Variants in HOXD3 observed in about 807,000 individuals in gnomAD.
HOXD3 encodes homeobox protein Hox-D3.
A neutral mutation model predicts 32.8 loss-of-function variants in HOXD3; 13 were observed. The ratio of observed to expected loss-of-function variants is 0.40; its 90% CI spans 0.26 to 0.63. The LOEUF (loss-of-function observed/expected upper bound fraction) is 0.63. Among genes scored for constraint, HOXD3 ranks in the 20% least tolerant of loss-of-function variants. The probability of loss-of-function intolerance (pLI) is 0.44; values close to 1 mark genes in which losing one functional copy is unlikely to be tolerated. For missense variants in HOXD3, 504 were observed against 577.1 expected, an observed-to-expected ratio of 0.87 and a Z score of 1.30; for synonymous variants, 241 against 246.8, an observed-to-expected ratio of 0.98 and a Z score of 0.22.
chr2:176,169,500 C>T lies in HOXD3; in HGVS notation c.386C>T (p.Ser129Phe), dbSNP rs1051932. ...CCTCCACCACCGACCCTGCCCCCATCTTCACCCACCAATCCTGGAGGTGGA... is the reference window on the plus strand; with the variant it reads ...CCTCCACCACCGACCCTGCCCCCATTTTCACCCACCAATCCTGGAGGTGGA... ...PPPPPPTLPP[S>F]SPTNPGGGVP... The change falls in exon 3 of 4, where the codon TCT becomes TTT. Residue 129 changes from serine (S) to phenylalanine (F), a missense_variant. Ser to Phe is a radical substitution (Grantham distance 155). Coordinates refer to ENST00000683222, the MANE Select transcript of HOXD3 (RefSeq NM_006898.5). The T allele has an allele frequency of 1.2e-6, 2 of 1,614,002 alleles. No homozygotes were observed. Among genetic ancestry groups the T allele is most frequent in the African/African-American group, 2.7e-5 (2 of 74,926 alleles).
chr2:176,158,260 G>C (rs1350023688), intron 1 of HOXD3, among the ~76,000 whole-genome samples: 1 of 152,240 alleles, frequency 6.6e-6, no homozygotes, highest in South Asian at 2.1e-4. Flanking sequence ...CTGGGGAAAG[G>C]AGGATGGGGG....
intron 1 of HOXD3, among the ~76,000 whole-genome samples, chr2:176,160,205 G>A (rs990939166): frequency 2.6e-5 from 4 of 152,196 alleles, no homozygotes; most frequent in Non-Finnish European, 5.9e-5. Flanking sequence ...GGTGCATGAG[G>A]CTGCGGAGTA....
intron 2 of HOXD3, among the ~76,000 whole-genome samples, chr2:176,167,702 T>A (rs1342011456): frequency 2.0e-5 from 3 of 150,156 alleles, no homozygotes; most frequent in Non-Finnish European, 4.4e-5. Flanking sequence ...TTTTTTTTTT[T>A]TTTTTTTTTT....
In HOXD3 at chr2:176,172,711, CTG is replaced by C. The variant is rs1691238441; in HGVS notation, c.*439_*440del. 1 of 171,446 alleles carries C rather than the reference CTG, an allele frequency of 5.8e-6. No individual in the cohort carries two copies. Among genetic ancestry groups the C allele is most frequent in the African/African-American group, 2.4e-5 (1 of 42,168 alleles). 10.6% of individuals were successfully genotyped at this position (171,446 alleles called of 1,614,324 possible). A position where few individuals can be genotyped will look rare whatever the true frequency, so the allele number is the denominator to read the frequency against. On this transcript the variant is annotated 3_prime_UTR_variant, in exon 4 of 4. Transcript: ENST00000683222. ...TAAGGATTGCATCGGACTAAACTATCTGTATTTATTATTTGAAGCGAGTCATT... is the reference window on the plus strand; with the variant it reads ...TAAGGATTGCATCGGACTAAACTATCTATTTATTATTTGAAGCGAGTCATT...
At chr2:176,168,656 C>T (rs1471001907) in intron 2 of HOXD3, among the ~76,000 whole-genome samples, 1 of 151,964 alleles carries the variant, frequency 6.6e-6, no homozygotes, top group East Asian at 1.9e-4. Flanking sequence ...CTGAAATACT[C>T]TGAAATAGCT....
upstream of HOXD3, chr2:176,153,139 G>A (rs1690580223): frequency 1.9e-6 from 1 of 516,772 alleles, no homozygotes; most frequent in Non-Finnish European, 3.6e-6. Context: ...GATGGGAGGG[G>A]GGGCGGGATT....
At chr2:176,170,921 T>C (rs1200613491) in intron 3 of HOXD3, among the ~76,000 whole-genome samples, 1 of 147,260 alleles carries the variant, frequency 6.8e-6, no homozygotes, top group African/African-American at 2.4e-5. Flanking sequence ...GTTTGTTTGG[T>C]TGGTTTTTTT....
Position 176,161,469 on chromosome 2 carries a change from TTACAC to T in HOXD3, c.-180-2602_-180-2598del, listed in dbSNP as rs373868904. Among the ~76,000 whole-genome samples, 12 of 152,280 alleles carry T rather than the reference TTACAC, an allele frequency of 7.9e-5. No homozygotes were observed. In the South Asian group the frequency reaches 1.2e-3, roughly 16 times the overall value. On this transcript the variant is annotated intron_variant, in intron 1 of 3. Coordinates refer to ENST00000683222, the MANE Select transcript of HOXD3 (RefSeq NM_006898.5). The stretch of plus-strand genomic sequence containing the variant: ...GGCTGAAAAAGAAATTAAAACTTTT[TTACAC>T]TTTACTGCCAAAGTAAGATGGAGCG...
chr2:176,169,429 C>G lies in HOXD3; in HGVS notation c.315C>G (p.Ser105Arg). The part of the protein sequence containing the change: ...TGNSQGGGGG[S>R]QPPGLNSEQQ... The stretch of plus-strand genomic sequence containing the variant: ...ACAGCCAGGGTGGGGGTGGTGGCAG[C>G]CAGCCTCCTGGTCTGAACTCAGAGC... Residue 105 changes from serine to arginine, a missense_variant, in exon 3 of 4, where the codon AGC becomes AGG. By Grantham distance (110) the Ser-to-Arg change is moderately radical. Coordinates refer to ENST00000683222, the MANE Select transcript of HOXD3 (RefSeq NM_006898.5). The G allele has an allele frequency of 6.2e-7, 1 of 1,613,434 alleles. No individual in the cohort carries two copies. Among genetic ancestry groups the G allele is most frequent in the Non-Finnish European group, 8.5e-7 (1 of 1,179,712 alleles).
chr2:176,155,520 T>A (rs1454572436), upstream of HOXD3, among the ~76,000 whole-genome samples: 1 of 152,150 alleles, frequency 6.6e-6, no homozygotes, highest in Non-Finnish European at 1.5e-5. Flanking sequence ...TCTTTTGAAA[T>A]GTTAATGGAG....
chr2:176,163,580 G>A (rs115733219), intron 1 of HOXD3, among the ~76,000 whole-genome samples: 47 of 152,192 alleles, frequency 3.1e-4, no homozygotes, highest in African/African-American at 1.1e-3. Context: ...TCTTCACTGA[G>A]GCTCTGTAGA....
chr2:176,156,446 C>G (rs1259447758), upstream of HOXD3, among the ~76,000 whole-genome samples: 6 of 152,166 alleles, frequency 3.9e-5, no homozygotes, highest in South Asian at 6.2e-4. Flanking sequence ...TCTGGAAGCC[C>G]TCAGAGGAAG....
chr2:176,155,357 T>A (rs918769406), upstream of HOXD3, among the ~76,000 whole-genome samples: 1 of 152,320 alleles, frequency 6.6e-6, no homozygotes, highest in Non-Finnish European at 1.5e-5. Context: ...ACTGACTGCA[T>A]CCCTGCCCCA....
chr2:176,153,124 AT>A, upstream of HOXD3: 1 of 354,790 alleles, frequency 2.8e-6, no homozygotes. Context: ...CTAGAGCGGG[AT>A]GGGGATGGGA....
At chr2:176,164,726 C>T (rs543197099) in intron 2 of HOXD3, 2 of 152,310 alleles carry the variant, frequency 1.3e-5, no homozygotes, top group African/African-American at 4.8e-5. Flanking sequence ...TTGAGAGAAA[C>T]TGACCGCAAC....
chr2:176,162,006 C>T (rs915092997), intron 1 of HOXD3, among the ~76,000 whole-genome samples: 1 of 152,218 alleles, frequency 6.6e-6, no homozygotes, highest in African/African-American at 2.4e-5. Flanking sequence ...CGTGGTAATG[C>T]CACTGGGCCA....
chr2:176,169,800 G>T (rs1397139453), intron 3 of HOXD3, 145 bp downstream of exon 3: 2 of 1,032,726 alleles, frequency 1.9e-6, no homozygotes, highest in East Asian at 2.5e-5. Flanking sequence ...TAGTGTTCCT[G>T]ATTGGGGTCA....
intron 1 of HOXD3, among the ~76,000 whole-genome samples, chr2:176,161,758 A>G (rs779440092): frequency 6.6e-6 from 1 of 152,264 alleles, no homozygotes; most frequent in Admixed American, 6.5e-5. Flanking sequence ...CCCTTTACCA[A>G]TCCAGGCTTT....
At chr2:176,170,371 G>T (rs1691131478) in intron 3 of HOXD3, among the ~76,000 whole-genome samples, 2 of 152,194 alleles carry the variant, frequency 1.3e-5, no homozygotes, top group Admixed American at 1.3e-4. Flanking sequence ...TATTCTGGGA[G>T]ACAGTAACAG....
Sources: allele counts gnomAD v4.1 joint callset (sites outside exome capture counted in the v4.1 genomes callset), GRCh38; gene constraint gnomAD v4.1.1; transcripts MANE v1.5; gene names NCBI Gene and HGNC (gene_info 2026-07-23, HGNC 2026-07-21).